The following TBCD variants were observed in gnomAD, a reference collection of about 807,000 sequenced individuals.
The protein encoded by TBCD is tubulin folding cofactor D.
TBCD carries 105 observed loss-of-function variants against 169.3 expected under a neutral mutation model. The observed-to-expected ratio is 0.62, with a 90% CI of 0.53 to 0.73. The LOEUF (loss-of-function observed/expected upper bound fraction) is 0.73. Among genes scored for constraint, TBCD ranks in the 30% least tolerant of loss-of-function variants. The pLI is 0.00. For missense variants in TBCD, 1,444 were observed against 1,600.1 expected (o/e 0.90, Z 1.66); for synonymous variants, 700 against 643.9 (o/e 1.09, Z -1.32).
Position 82,930,286 on chromosome 17 carries a change from C to G in TBCD, c.2992-236C>G, listed in dbSNP as rs115887250. 3,585 of 557,724 alleles carry G rather than the reference C, an allele frequency of 6.4e-3. 117 individuals are homozygous for G. The highest frequency in any genetic ancestry group is 0.061 in the African/African-American group (3,175 of 52,232). The allele number at this position is 557,724 out of a possible 1,614,324, so 34.5% of individuals were successfully genotyped here. A position where few individuals can be genotyped will look rare whatever the true frequency, so the allele number is the denominator to read the frequency against. ...TTCGTCACGTGCTCTCCCGCATGTC[C>G]TAAGTGAGGGCTCAGGCTGAGCTGC... On this transcript the variant is annotated intron_variant, in intron 32 of 38. Coordinates refer to ENST00000355528, the MANE Select transcript of TBCD (RefSeq NM_005993.5). The surrounding 1 kb of genome is among the most constrained non-coding windows in gnomAD (Gnocchi z 5.2).
At position 82,927,959 on chromosome 17, in the gene TBCD, G is replaced by C. The variant is rs2061893754; in HGVS notation, c.2664G>C (p.Arg888=). ...SLMDLTLLLA[R]SQPELIEAHT... ...TGGATCTGACACTTCTGCTGGCTCG[G>C]AGCCAGCCTGAGCTGATCGAGGCCC... Residue 888 remains arginine, a synonymous_variant, in exon 30 of 39, where the codon CGG becomes CGC. Coordinates refer to ENST00000355528, the MANE Select transcript of TBCD (RefSeq NM_005993.5). 1.2e-6 allele frequency: 2 copies of C among 1,612,470 alleles called. No individual in the cohort carries two copies. The highest frequency in any genetic ancestry group is 1.1e-5 in the South Asian group (1 of 91,090).
At chr17:82,758,384 G>GAAAAAAAAAA (rs71168146) in intron 2 of TBCD, among the ~76,000 whole-genome samples, 61 of 24,948 alleles carry the variant, frequency 2.4e-3, no homozygotes, top group South Asian at 5.9e-3. Flanking sequence ...AAACGTCTCG[G>GAAAAAAAAAA]AAAAAAAAAA....
chr17:82,879,230 G>C (rs1287393535), intron 14 of TBCD, among the ~76,000 whole-genome samples: 1 of 151,680 alleles, frequency 6.6e-6, no homozygotes, highest in Admixed American at 6.6e-5. Flanking sequence ...AGGACGCCGG[G>C]CTTGGCCTCA....
Position 82,832,036 on chromosome 17 carries a change from C to A in TBCD, c.1318+17102C>A. On this transcript the variant is annotated intron_variant, in intron 13 of 38. Coordinates refer to ENST00000355528, the MANE Select transcript of TBCD (RefSeq NM_005993.5). This position sits in a 1 kb window ranked among gnomAD's most constrained non-coding sequence, Gnocchi z 4.9. ...ACCGAGGGCGGCTTCCGGAGCTGGG[C>A]TCTTGCAGGGTGATGCCCTGTGGAG... 1.2e-6 allele frequency: 2 copies of A among 1,612,908 alleles called. No individual in the cohort carries two copies. The highest frequency in any genetic ancestry group is 2.2e-5 in the East Asian group (1 of 44,858).
intron 12 of TBCD, among the ~76,000 whole-genome samples, chr17:82,810,309 T>C (rs1302575273): frequency 6.6e-6 from 1 of 152,152 alleles, no homozygotes; most frequent in Admixed American, 6.6e-5. Flanking sequence ...GTTAAAAAAT[T>C]AGCCAGACGT....
chr17:82,779,871 G>T (rs2048833836), intron 6 of TBCD, among the ~76,000 whole-genome samples: 1 of 152,150 alleles, frequency 6.6e-6, no homozygotes, highest in Non-Finnish European at 1.5e-5. Context: ...GGCGTCGCGT[G>T]GGGCACTCCC....
chr17:82,787,347 G>A (rs906385833), intron 7 of TBCD, among the ~76,000 whole-genome samples: 5 of 152,260 alleles, frequency 3.3e-5, no homozygotes, highest in African/African-American at 1.2e-4. Context: ...GTGAAGCAAC[G>A]CCTGGCGGGG....
intron 13 of TBCD, among the ~76,000 whole-genome samples, chr17:82,850,180 TG>T: frequency 4.0e-5 from 5 of 124,246 alleles, no homozygotes; most frequent in African/African-American, 6.2e-5. Context: ...GTGCTGCTGT[TG>T]GCTGTGCTGC....
At chr17:82,859,224 GA>G (rs2056563414) in intron 13 of TBCD, among the ~76,000 whole-genome samples, 1 of 149,918 alleles carries the variant, frequency 6.7e-6, no homozygotes, top group Non-Finnish European at 1.5e-5. Context: ...GGCTTTCAGG[GA>G]AAGAGAGTCT....
chr17:82,800,763 C>T, intron 8 of TBCD, 101 bp from the exon 9 acceptor site: 1 of 1,443,276 alleles, frequency 6.9e-7, no homozygotes, highest in East Asian at 2.5e-5. Context: ...TCTCCTGCCT[C>T]AAGGCCCCTG....
chr17:82,911,701 A>C lies in TBCD; in HGVS notation c.2007-57A>C, dbSNP rs2060654762. ...GAGGTTACATTGGCAAGCATATTTC[A>C]TGGTGTTTTATACGTCAAGAGGTTC... On this transcript the variant is annotated intron_variant, in intron 22 of 38. Coordinates refer to ENST00000355528, the MANE Select transcript of TBCD (RefSeq NM_005993.5). 3.2e-6 allele frequency: 5 copies of C among 1,549,550 alleles called. No individual in the cohort carries two copies. The Admixed American group carries it at 8.6e-5, about 27-fold the overall frequency.
rs922106272 is a variant in TBCD, at chr17:82,789,430, G to C, written c.771+7709G>C. On this transcript the variant is annotated intron_variant, in intron 7 of 38. Transcript: ENST00000355528. The surrounding 1 kb of genome is among the most constrained non-coding windows in gnomAD (Gnocchi z 4.8). ...GGGTCATGTGCTAGACGGGGAGGGG[G>C]CTTGGCGGGTCACCAGCCTCACCCC... 6.6e-6 allele frequency among the ~76,000 whole-genome samples: 1 copy of C among 152,228 alleles called. No individual in the cohort carries two copies. Among genetic ancestry groups the C allele is most frequent in the African/African-American group, 2.4e-5 (1 of 41,462 alleles).
intron 19 of TBCD, among the ~76,000 whole-genome samples, chr17:82,905,031 C>T (rs2060138352): frequency 6.6e-6 from 1 of 152,220 alleles, no homozygotes; most frequent in Non-Finnish European, 1.5e-5. Context: ...CTTGGGGAGG[C>T]TTAGGCTCGG....
chr17:82,847,518 T>G (rs903747357), intron 13 of TBCD, among the ~76,000 whole-genome samples: 28 of 152,224 alleles, frequency 1.8e-4, no homozygotes, highest in Admixed American at 1.3e-4. Flanking sequence ...GGGAAAGCTT[T>G]CTTTCTGGAC....
In TBCD at chr17:82,915,672, A is replaced by C. The variant is rs552067449; in HGVS notation, c.2038+3883A>C. ...ACAGGTGTTTTTTTATCCTGCTCACATGTGGATCACCGAGGGCAGGGGCCG... is the reference window on the plus strand; with the variant it reads ...ACAGGTGTTTTTTTATCCTGCTCACCTGTGGATCACCGAGGGCAGGGGCCG... On this transcript the variant is annotated intron_variant, in intron 23 of 38. Coordinates refer to ENST00000355528, the MANE Select transcript of TBCD (RefSeq NM_005993.5). The surrounding 1 kb of genome is among the most constrained non-coding windows in gnomAD (Gnocchi z 4.3). Among the ~76,000 whole-genome samples the C allele has an allele frequency of 3.3e-5, 5 of 152,274 alleles. No homozygotes were observed. The highest frequency in any genetic ancestry group is 6.5e-5 in the Admixed American group (1 of 15,304).
chr17:82,902,838 G>T (rs1449014163), intron 18 of TBCD, among the ~76,000 whole-genome samples: 1 of 152,170 alleles, frequency 6.6e-6, no homozygotes, highest in Non-Finnish European at 1.5e-5. Context: ...TGAGCTCTGC[G>T]GGTCGCTCCC....
Position 82,915,856 on chromosome 17 carries a change from G to C in TBCD, c.2038+4067G>C, listed in dbSNP as rs907461800. On this transcript the variant is annotated intron_variant, in intron 23 of 38. Coordinates refer to ENST00000355528, the MANE Select transcript of TBCD (RefSeq NM_005993.5). The surrounding 1 kb of genome is among the most constrained non-coding windows in gnomAD (Gnocchi z 4.3). Reference sequence around the variant, plus strand: ...GGAGGATCGTGACTTAGCAAGCCGGGGACACGCTGTTAATGGACTTCCTGC... The same window carrying C: ...GGAGGATCGTGACTTAGCAAGCCGGCGACACGCTGTTAATGGACTTCCTGC... Among the ~76,000 whole-genome samples, 4 of 152,246 alleles carry C rather than the reference G, an allele frequency of 2.6e-5. No homozygotes were observed. Among genetic ancestry groups the C allele is most frequent in the African/African-American group, 7.2e-5 (3 of 41,540 alleles).
At position 82,937,315 on chromosome 17, in the gene TBCD, T is replaced by C. The variant is rs1302855516; in HGVS notation, c.3236T>C (p.Ile1079Thr). The C allele has an allele frequency of 6.2e-7, 1 of 1,613,946 alleles. No individual in the cohort carries two copies. Among genetic ancestry groups the C allele is most frequent in the Non-Finnish European group, 8.5e-7 (1 of 1,179,868 alleles). The change falls in exon 35 of 39, where the codon ATC becomes ACC. Residue 1079 changes from isoleucine to threonine, a missense_variant. Coordinates refer to ENST00000355528, the MANE Select transcript of TBCD (RefSeq NM_005993.5). ...VKLLALCKKE[I>T]KNSKDIQKLL... is the part of the protein sequence containing the mutation. ...TTGCTTGCGCTCTGTAAGAAAGAAATCAAGAATTCAAAAGATATCCAGAAG... is the reference window on the plus strand; with the variant it reads ...TTGCTTGCGCTCTGTAAGAAAGAAACCAAGAATTCAAAAGATATCCAGAAG...
In TBCD at chr17:82,926,810, C is replaced by T. The variant is rs552772447; in HGVS notation, c.2471+319C>T. Reference sequence around the variant, plus strand: ...TGATCTCTGCACTCGTTGACAGACACGCACCTGGGGCCACGCCATATGCCC... The same window carrying T: ...TGATCTCTGCACTCGTTGACAGACATGCACCTGGGGCCACGCCATATGCCC... On this transcript the variant is annotated intron_variant, in intron 28 of 38. Coordinates refer to ENST00000355528, the MANE Select transcript of TBCD (RefSeq NM_005993.5). 1.8e-4 allele frequency: 94 copies of T among 510,858 alleles called. No individual in the cohort carries two copies. The East Asian group carries it at 2.1e-3, about 12-fold the overall frequency. The allele number at this position is 510,858 out of a possible 1,614,324, so 31.6% of individuals were successfully genotyped here.
Sources: allele counts gnomAD v4.1 joint callset (sites outside exome capture counted in the v4.1 genomes callset), GRCh38; gene constraint gnomAD v4.1.1; non-coding constraint Gnocchi (gnomAD v3.1); transcripts MANE v1.5; gene names NCBI Gene and HGNC (gene_info 2026-07-23, HGNC 2026-07-21).